SYNE1: variants seen among roughly 807,000 people sequenced by gnomAD.
SYNE1 encodes the protein spectrin repeat containing nuclear envelope protein 1, also known as nesprin-1.
SYNE1 carries 616 observed loss-of-function variants against 1,111.0 expected under a neutral mutation model. The observed-to-expected ratio is 0.55, with a 90% confidence interval of 0.52 to 0.59. SYNE1 has a LOEUF of 0.59. Ranked by LOEUF, SYNE1 falls within the 20% of genes least tolerant of loss-of-function variation. The probability of loss-of-function intolerance (pLI) is 0.00; values close to 1 mark genes in which losing one functional copy is unlikely to be tolerated. For missense variants in SYNE1, 10,006 were observed against 10,417.0 expected, an observed-to-expected ratio of 0.96 and a Z score of 1.72; for synonymous variants, 3,855 against 3,825.8, an observed-to-expected ratio of 1.01 and a Z score of -0.28.
intron 137 of SYNE1, chr6:152,143,967 A>C: frequency 1.4e-6 from 1 of 700,522 alleles, no homozygotes; most frequent in South Asian, 1.7e-5. Context: ...TGCTTGACTG[A>C]GAGCCCTAGC....
chr6:152,461,464 T>C, intron 21 of SYNE1, 133 bp downstream of exon 21: 1 of 1,129,680 alleles, frequency 8.9e-7, no homozygotes, highest in Non-Finnish European at 1.3e-6. Flanking sequence ...AGTTACTAAA[T>C]TGAGAATCCC....
rs7746258 is a variant in SYNE1 at position 152,422,322 on chromosome 6, C to T, written c.5268-2600G>A. Among the ~76,000 whole-genome samples the T allele has an allele frequency of 3.8e-3, 572 of 152,290 alleles. 6 individuals carry two copies. Among genetic ancestry groups the T allele is most frequent in the African/African-American group, 0.013 (549 of 41,554 alleles). On this transcript the variant is annotated intron_variant, in intron 39 of 145. Transcript: ENST00000367255. ...TTTGCCTGCATCATATGTAGAGGCC[C>T]AGCCCATTTGCAATGCCACTTTCTG... is the stretch of plus-strand genomic sequence containing the variant.
At chr6:152,224,712 G>T (rs777418167) in intron 116 of SYNE1, 48 bp from the exon 117 acceptor site, 1 of 1,546,630 alleles carries the variant, frequency 6.5e-7, no homozygotes, top group South Asian at 1.1e-5. Flanking sequence ...TATCTAGAAT[G>T]ATGGAATATA....
chr6:152,556,537 C>T (rs987066181), intron 3 of SYNE1, among the ~76,000 whole-genome samples: 7 of 152,272 alleles, frequency 4.6e-5, no homozygotes, highest in Admixed American at 2.0e-4. Flanking sequence ...ACCAAAAGCC[C>T]ACCCCACTGC....
In SYNE1 at chr6:152,435,999, GTTGAAGCAGCTGCTTATT is replaced by G; in HGVS notation, c.4234_4251del (p.Asn1412_Gln1417del). 6.2e-7 allele frequency: 1 copy of G among 1,614,160 alleles called. No individual in the cohort carries two copies. Among genetic ancestry groups the G allele is most frequent in the African/African-American group, 1.3e-5 (1 of 75,038 alleles). ...TGTTCTTTGATTGACTTGGCCTGCT[GTTGAAGCAGCTGCTTATT>G]TTGGGGCCCAAGCGGTATCTCTGAA... is the stretch of plus-strand genomic sequence containing the variant. On this transcript the variant is annotated inframe_deletion, in exon 33 of 146. Transcript: ENST00000367255.
In SYNE1 at chr6:152,405,122, T is replaced by G. The variant is rs191403201; in HGVS notation, c.6724-808A>C. 1.1e-3 allele frequency among the ~76,000 whole-genome samples: 173 copies of G among 152,278 alleles called. 2 individuals carry two copies. Among genetic ancestry groups the G allele is most frequent in the East Asian group, 5.4e-3 (28 of 5,168 alleles). ...GAGGAATCTTGCTACTTACCTACAC[T>G]CACTATACTGCAGCGGGAATGGCCC... On this transcript the variant is annotated intron_variant, in intron 45 of 145. Transcript: ENST00000367255.
chr6:152,552,076 G>A (rs769038456), intron 3 of SYNE1, among the ~76,000 whole-genome samples: 1 of 152,134 alleles, frequency 6.6e-6, no homozygotes, highest in Admixed American at 6.5e-5. Flanking sequence ...ACCTGAAACT[G>A]TATTCCAATA....
chr6:152,390,591 T>G, intron 52 of SYNE1, 139 bp from the exon 53 acceptor site: 4 of 794,772 alleles, frequency 5.0e-6, no homozygotes, highest in Non-Finnish European at 8.0e-6. Context: ...CTGGGCCCTA[T>G]TGCAATATAA....
intron 58 of SYNE1, among the ~76,000 whole-genome samples, chr6:152,375,460 T>C (rs2097263274): frequency 6.6e-6 from 1 of 152,186 alleles, no homozygotes; most frequent in African/African-American, 2.4e-5. Context: ...CACTCAGAAC[T>C]GCTGCTATGT....
Position 152,206,331 on chromosome 6 carries a change from C to T in SYNE1, c.22856G>A (p.Gly7619Asp), listed in dbSNP as rs2153398375. Residue 7619 changes from glycine to aspartate, a missense_variant, in exon 126 of 146, where the codon GGC becomes GAC. Physicochemically the swap from Gly to Asp is moderately conservative, Grantham distance 94. This residue lies in a region of SYNE1 where 2,182 missense variants were observed against 2,287.8 expected (regional missense o/e 0.95). Coordinates refer to ENST00000367255, the MANE Select transcript of SYNE1 (RefSeq NM_182961.4). ...FKEKVFLRQQ[G>D]SYILTVEAGK... ...AGCCTCCACAGTCAGGATGTAGCTG[C>T]CTTGTTGCCGCAGAAACACTTTTTC... The T allele has an allele frequency of 1.2e-6, 2 of 1,613,976 alleles. No homozygotes were observed. Among genetic ancestry groups the T allele is most frequent in the Non-Finnish European group, 1.7e-6 (2 of 1,179,984 alleles).
At chr6:152,605,026 GAGAGAGA>G (rs2099609801) in intron 3 of SYNE1, among the ~76,000 whole-genome samples, 2 of 73,248 alleles carry the variant, frequency 2.7e-5, no homozygotes, top group African/African-American at 6.3e-5. Context: ...GAGAGAGAGA[GAGAGAGA>G]GAGGGAGGGA....
At position 152,523,553 on chromosome 6, in the gene SYNE1, G is replaced by A. The variant is rs572514882; in HGVS notation, c.225+2527C>T. Among the ~76,000 whole-genome samples, 68 of 151,932 alleles carry A rather than the reference G, an allele frequency of 4.5e-4. 1 individual carries two copies. Among genetic ancestry groups the A allele is most frequent in the African/African-American group, 1.5e-3 (63 of 41,498 alleles). On this transcript the variant is annotated intron_variant, in intron 5 of 145. Coordinates refer to ENST00000367255, the MANE Select transcript of SYNE1 (RefSeq NM_182961.4). ...TATTTGGGGTCTTTTTTGCTTCCAC[G>A]TGAATTTTAGAATTGTTTTTTCTAA...
chr6:152,149,421 C>T (rs2060043256), intron 136 of SYNE1, 56 bp downstream of exon 136: 2 of 1,607,448 alleles, frequency 1.2e-6, no homozygotes, highest in Non-Finnish European at 1.7e-6. Flanking sequence ...AACCCAATCC[C>T]ACACGACTTA....
At chr6:152,409,427 A>T in intron 43 of SYNE1, 132 bp downstream of exon 43, 1 of 1,318,626 alleles carries the variant, frequency 7.6e-7, no homozygotes, top group Non-Finnish European at 1.1e-6. Flanking sequence ...CTAGGGGAAA[A>T]AAAGTTGAGC....
At chr6:152,449,695 G>C in intron 27 of SYNE1, 54 bp from the exon 28 acceptor site, 1 of 1,330,572 alleles carries the variant, frequency 7.5e-7, no homozygotes, top group South Asian at 1.2e-5. Context: ...AGAATGATCA[G>C]AATATGTTTT....
intron 131 of SYNE1, among the ~76,000 whole-genome samples, chr6:152,161,526 C>T (rs374122438): frequency 3.3e-5 from 5 of 152,068 alleles, no homozygotes; most frequent in East Asian, 3.9e-4. Context: ...TTTATGAATG[C>T]AAAACCTCTC....
At chr6:152,212,443 A>T (rs1321836876) in intron 123 of SYNE1, among the ~76,000 whole-genome samples, 1 of 152,170 alleles carries the variant, frequency 6.6e-6, no homozygotes, top group Non-Finnish European at 1.5e-5. Context: ...ACATGTTGCA[A>T]CATATATCAG....
At chr6:152,573,301 T>C in intron 3 of SYNE1, among the ~76,000 whole-genome samples, 1 of 150,568 alleles carries the variant, frequency 6.6e-6, no homozygotes, top group African/African-American at 2.5e-5. Flanking sequence ...CATTTAGCAT[T>C]AGGTATATCT....
At chr6:152,425,293 A>C (rs2098335029) in intron 39 of SYNE1, 88 bp downstream of exon 39, 1 of 1,441,294 alleles carries the variant, frequency 6.9e-7, no homozygotes, top group African/African-American at 1.4e-5. Flanking sequence ...GTTAAATAAA[A>C]GTAAACAAAA....
Sources: allele counts gnomAD v4.1 joint callset (sites outside exome capture counted in the v4.1 genomes callset), GRCh38; gene constraint gnomAD v4.1.1; regional missense constraint gnomAD v4.1.1; transcripts MANE v1.5; gene names NCBI Gene and HGNC (gene_info 2026-07-23, HGNC 2026-07-21).